Variants in MBNL1 observed in about 807,000 individuals in gnomAD.
MBNL1 encodes muscleblind like splicing regulator 1.
A neutral mutation model predicts 42.2 loss-of-function variants in MBNL1; 8 were observed. The ratio of observed to expected loss-of-function variants is 0.19; its 90% CI spans 0.11 to 0.34. The LOEUF (loss-of-function observed/expected upper bound fraction) is 0.34. Ranked by LOEUF, MBNL1 falls within the 10% of genes least tolerant of loss-of-function variation. The pLI is 1.00. For synonymous variants in MBNL1, 169 were observed against 173.9 expected, an observed-to-expected ratio of 0.97 and a Z score of 0.22; for missense variants, 309 against 495.3, an observed-to-expected ratio of 0.62 and a Z score of 3.57.
chr3:152,268,827 C>T (rs576495415), upstream of MBNL1: 5 of 451,292 alleles, frequency 1.1e-5, no homozygotes, highest in East Asian at 3.6e-4. Context: ...TCGACGAGTC[C>T]GCCCTGGGCT....
intron 3 of MBNL1, among the ~76,000 whole-genome samples, chr3:152,430,916 TG>T (rs2098998437): frequency 1.3e-5 from 2 of 152,264 alleles, no homozygotes; most frequent in African/African-American, 4.8e-5. Context: ...CAGCTAAACA[TG>T]GCATTCAAAC....
rs375488566 is a variant in MBNL1 at position 152,403,139 on chromosome 3, G to GA, written c.175-11789dup. ...CTAAATGTTGTTGGTGTGATAGCAAGAAAAAAAAAAAAATCGTGTGACAAC... is the reference window on the plus strand; with the variant it reads ...CTAAATGTTGTTGGTGTGATAGCAAGAAAAAAAAAAAAAATCGTGTGACAAC... On this transcript the variant is annotated intron_variant, in intron 2 of 9. Transcript: ENST00000324210. Among the ~76,000 whole-genome samples the GA allele has an allele frequency of 4.0e-3, 565 of 140,980 alleles. 1 individual carries two copies. The highest frequency in any genetic ancestry group is 0.011 in the African/African-American group (431 of 38,546). 92.5% of individuals were successfully genotyped at this position (140,980 alleles called of 152,430 possible).
At chr3:152,297,048 T>C (rs2058808810) in intron 1 of MBNL1, among the ~76,000 whole-genome samples, 1 of 152,116 alleles carries the variant, frequency 6.6e-6, no homozygotes, top group African/African-American at 2.4e-5. Flanking sequence ...TCTTGGTAGC[T>C]TTTTGGAGGA....
At chr3:152,319,448 A>G (rs185885693) in intron 2 of MBNL1, among the ~76,000 whole-genome samples, 158 of 152,154 alleles carry the variant, frequency 1.0e-3, no homozygotes, top group African/African-American at 3.6e-3. Context: ...TTTAAATGTG[A>G]CTAGTTAAAT....
At chr3:152,312,331 A>G (rs536453481) in intron 2 of MBNL1, among the ~76,000 whole-genome samples, 1 of 152,332 alleles carries the variant, frequency 6.6e-6, no homozygotes, top group South Asian at 2.1e-4. Context: ...AACTTTCGAT[A>G]CCAATAGCTA....
intron 1 of MBNL1, among the ~76,000 whole-genome samples, chr3:152,287,826 T>G (rs2053468623): frequency 6.6e-6 from 1 of 152,242 alleles, no homozygotes; most frequent in African/African-American, 2.4e-5. Flanking sequence ...CGCTGTCTCA[T>G]TAAAAGGATG....
At chr3:152,376,189 A>G (rs2096890993) in intron 2 of MBNL1, among the ~76,000 whole-genome samples, 2 of 152,340 alleles carry the variant, frequency 1.3e-5, no homozygotes, top group Admixed American at 1.3e-4. Flanking sequence ...ATACTTTACA[A>G]AAGTTTTCAA....
chr3:152,448,111 C>G (rs1312275930), intron 6 of MBNL1, among the ~76,000 whole-genome samples: 1 of 152,084 alleles, frequency 6.6e-6, no homozygotes, highest in East Asian at 1.9e-4. Flanking sequence ...TGTAAGACCC[C>G]TTTGCCTTCA....
Position 152,419,328 on chromosome 3 carries a change from A to G in MBNL1, c.345+4217A>G, listed in dbSNP as rs1201996434. Among the ~76,000 whole-genome samples, 7 of 152,348 alleles carry G rather than the reference A, an allele frequency of 4.6e-5. No homozygotes were observed. The East Asian group carries it at 1.4e-3, about 29-fold the overall frequency. ...CAACTCCAGTCTGCAGCTCCCAGCA[A>G]GATCAATGCAGAAGGCAGGTGATTT... On this transcript the variant is annotated intron_variant, in intron 3 of 9. Coordinates refer to ENST00000324210, the MANE Select transcript of MBNL1 (RefSeq NM_021038.5).
chr3:152,244,715 T>C (rs1053848464), intron 2 of MBNL1, among the ~76,000 whole-genome samples: 1 of 152,240 alleles, frequency 6.6e-6, no homozygotes, highest in Non-Finnish European at 1.5e-5. Flanking sequence ...GTATTTGTAA[T>C]TTTGCACACA....
At chr3:152,305,011 G>A (rs924678446) in intron 2 of MBNL1, among the ~76,000 whole-genome samples, 9 of 152,198 alleles carry the variant, frequency 5.9e-5, no homozygotes, top group Admixed American at 2.0e-4. Flanking sequence ...GGTACACTGC[G>A]TCTACTTTTT....
chr3:152,326,381 T>G (rs565337947), intron 2 of MBNL1, among the ~76,000 whole-genome samples: 1 of 152,316 alleles, frequency 6.6e-6, no homozygotes, highest in Non-Finnish European at 1.5e-5. Flanking sequence ...GACATAATTT[T>G]AGTAATCCCT....
chr3:152,250,099 C>T (rs533830289), intron 2 of MBNL1, among the ~76,000 whole-genome samples: 21 of 152,146 alleles, frequency 1.4e-4, no homozygotes, highest in South Asian at 2.1e-4. Context: ...CTTGGCGATG[C>T]GGGCTCTTTT....
chr3:152,339,928 T>C (rs989604341), intron 2 of MBNL1: 6 of 152,200 alleles, frequency 3.9e-5, no homozygotes, highest in African/African-American at 1.4e-4. Context: ...TTCGTGTTTT[T>C]CTTCTGAGTA....
intron 5 of MBNL1, 109 bp downstream of exon 5, chr3:152,445,648 A>G: frequency 8.1e-7 from 1 of 1,233,302 alleles, no homozygotes; most frequent in Non-Finnish European, 1.1e-6. Context: ...AAAATTGCTG[A>G]AGATATGTTT....
At chr3:152,273,747 T>C (rs947662726) in intron 1 of MBNL1, among the ~76,000 whole-genome samples, 3 of 152,146 alleles carry the variant, frequency 2.0e-5, no homozygotes, top group Non-Finnish European at 1.5e-5. Context: ...AATATCATGC[T>C]CATATGCTCC....
intron 2 of MBNL1, among the ~76,000 whole-genome samples, chr3:152,317,284 A>G (rs981430042): frequency 8.5e-5 from 13 of 152,146 alleles, no homozygotes; most frequent in African/African-American, 2.4e-4. Context: ...CTTTGTGACT[A>G]TTTTAGTTGT....
chr3:152,407,098 G>T (rs2098449466), intron 2 of MBNL1, among the ~76,000 whole-genome samples: 1 of 139,082 alleles, frequency 7.2e-6, no homozygotes, highest in African/African-American at 2.6e-5. Flanking sequence ...ACAGGACCAG[G>T]AAAGGGGAAA....
At chr3:152,326,053 A>G (rs920441337) in intron 2 of MBNL1, among the ~76,000 whole-genome samples, 6 of 152,168 alleles carry the variant, frequency 3.9e-5, no homozygotes, top group African/African-American at 1.4e-4. Flanking sequence ...ATACTTCTTC[A>G]GTAGTATCTC....
Sources: allele counts gnomAD v4.1 joint callset (sites outside exome capture counted in the v4.1 genomes callset), GRCh38; gene constraint gnomAD v4.1.1; transcripts MANE v1.5; gene names NCBI Gene and HGNC (gene_info 2026-07-23, HGNC 2026-07-21).